The following CLSTN1 variants were observed in gnomAD, a reference collection of about 807,000 sequenced individuals.
The protein encoded by CLSTN1 is calsyntenin 1.
Under a neutral mutation model 108.3 loss-of-function variants are expected in CLSTN1, and 28 were observed. That is an observed-to-expected ratio of 0.26 (90% CI 0.19 to 0.35). The LOEUF is 0.35. Among genes scored for constraint, CLSTN1 ranks in the 10% least tolerant of loss-of-function variants. CLSTN1 has a pLI of 1.00. For missense variants in CLSTN1, 1,157 were observed against 1,302.6 expected (o/e 0.89, Z 1.72); for synonymous variants, 524 against 534.9 (o/e 0.98, Z 0.28).
At chr1:9,799,509 C>T (rs549117860) in intron 1 of CLSTN1, among the ~76,000 whole-genome samples, 137 of 151,308 alleles carry the variant, frequency 9.1e-4, no homozygotes, top group African/African-American at 3.1e-3. Flanking sequence ...GGCATGGTGG[C>T]GGGCGCCTGT....
At chr1:9,791,025 G>C (rs561306954) in intron 1 of CLSTN1, among the ~76,000 whole-genome samples, 55 of 150,842 alleles carry the variant, frequency 3.6e-4, no homozygotes, top group African/African-American at 1.3e-3. Flanking sequence ...CCAGCTACTC[G>C]GGAGGCCGAG....
intron 4 of CLSTN1, among the ~76,000 whole-genome samples, chr1:9,754,006 T>C (rs1228314818): frequency 6.6e-6 from 1 of 151,558 alleles, no homozygotes; most frequent in Admixed American, 6.6e-5. Flanking sequence ...TGGCATCTCC[T>C]ACATTGTCTA....
rs184082782 is a variant in CLSTN1 at position 9,787,594 on chromosome 1, G to A, written c.92-14200C>T. Among the ~76,000 whole-genome samples the A allele has an allele frequency of 5.8e-3, 871 of 150,890 alleles. 10 individuals are homozygous for A. The highest frequency in any genetic ancestry group is 0.02 in the Middle Eastern group (6 of 294). ...AATTTTTTGTGTTTTTAGAGAGACG[G>A]GGTTTCACCATGTTAGCCAGGATGG... is the stretch of plus-strand genomic sequence containing the variant. On this transcript the variant is annotated intron_variant, in intron 1 of 18. Coordinates refer to ENST00000377298, the MANE Select transcript of CLSTN1 (RefSeq NM_001009566.3).
At chr1:9,762,552 G>T (rs1652129078) in intron 2 of CLSTN1, among the ~76,000 whole-genome samples, 1 of 150,140 alleles carries the variant, frequency 6.7e-6, no homozygotes, top group African/African-American at 2.4e-5. Context: ...ACACTCAACG[G>T]CTCCGCTCCA....
At chr1:9,811,989 T>C (rs1654777977) in intron 1 of CLSTN1, among the ~76,000 whole-genome samples, 1 of 151,836 alleles carries the variant, frequency 6.6e-6, no homozygotes, top group African/African-American at 2.4e-5. Context: ...TACAAAAAAT[T>C]AGCTGGGCGT....
At chr1:9,824,292 G>T (rs1203534485), upstream of CLSTN1, 2 of 152,100 alleles carry the variant, frequency 1.3e-5, no homozygotes, top group East Asian at 3.9e-4. This position sits in a 1 kb window ranked among gnomAD's most constrained non-coding sequence, Gnocchi z 5.0. Flanking sequence ...GCGTCCCTAC[G>T]CGCGCTCCCG....
intron 5 of CLSTN1, among the ~76,000 whole-genome samples, chr1:9,750,420 A>G (rs1651499245): frequency 6.6e-6 from 1 of 152,116 alleles, no homozygotes; most frequent in African/African-American, 2.4e-5. Flanking sequence ...TTGATTAACA[A>G]TGGAAACACT....
chr1:9,743,853 G>C (rs749725722), intron 9 of CLSTN1, 31 bp downstream of exon 9: 2 of 1,611,552 alleles, frequency 1.2e-6, no homozygotes, highest in South Asian at 2.2e-5. Context: ...CACCTTGCCC[G>C]GCCCTATTAG....
intron 1 of CLSTN1, among the ~76,000 whole-genome samples, chr1:9,789,578 T>C (rs1653668793): frequency 6.6e-6 from 1 of 151,500 alleles, no homozygotes; most frequent in Non-Finnish European, 1.5e-5. Context: ...TTGAAGCAAA[T>C]GCCAGACATC....
At chr1:9,733,228 C>G (rs1650500567) in intron 16 of CLSTN1, among the ~76,000 whole-genome samples, 173 bp downstream of exon 16, 2 of 152,182 alleles carry the variant, frequency 1.3e-5, no homozygotes, top group African/African-American at 2.4e-5. Flanking sequence ...CTCCAACAAG[C>G]CCAGGTGTAA....
At chr1:9,815,760 AC>A (rs1654943613) in intron 1 of CLSTN1, among the ~76,000 whole-genome samples, 1 of 152,020 alleles carries the variant, frequency 6.6e-6, no homozygotes, top group African/African-American at 2.4e-5. Context: ...ACATGGTGAA[AC>A]CCCGTCTCTA....
chr1:9,799,872 C>T (rs1276939203), intron 1 of CLSTN1, among the ~76,000 whole-genome samples: 2 of 151,722 alleles, frequency 1.3e-5, no homozygotes, highest in African/African-American at 2.4e-5. Context: ...ACCCGGGAGG[C>T]GGAGGTTGCA....
rs753542464 is a variant in CLSTN1, at chr1:9,730,667, TTCC to T, written c.2784_2786del (p.Glu935del). 32 of 1,608,270 alleles carry T rather than the reference TTCC, an allele frequency of 2.0e-5. No homozygotes were observed. The highest frequency in any genetic ancestry group is 4.4e-5 in the South Asian group (4 of 90,930). ...CCTCGCTTTCCTCTTCCTCTTCCTC[TTCC>T]TCCTCCTCCTCACTGCTGTGCTGGT... On this transcript the variant is annotated inframe_deletion, in exon 19 of 19. Coordinates refer to ENST00000377298, the MANE Select transcript of CLSTN1 (RefSeq NM_001009566.3). This position sits in a 1 kb window ranked among gnomAD's most constrained non-coding sequence, Gnocchi z 5.6.
At chr1:9,751,422 G>A (rs1233908234) in intron 5 of CLSTN1, 51 bp downstream of exon 5, 1 of 1,569,160 alleles carries the variant, frequency 6.4e-7, no homozygotes, top group African/African-American at 1.4e-5. Context: ...AAGTCAGTGG[G>A]GTTAGCAGGG....
chr1:9,738,996 T>C lies in CLSTN1; in HGVS notation c.1520-1442A>G, dbSNP rs114171614. On this transcript the variant is annotated intron_variant, in intron 10 of 18. Coordinates refer to ENST00000377298, the MANE Select transcript of CLSTN1 (RefSeq NM_001009566.3). Reference sequence around the variant, plus strand: ...CCTTACTCAAGGTACAATGTTTCCATAGGGAGAAAAAACTAATCAAAAAGT... The same window carrying C: ...CCTTACTCAAGGTACAATGTTTCCACAGGGAGAAAAAACTAATCAAAAAGT... 4.8e-3 allele frequency among the ~76,000 whole-genome samples: 736 copies of C among 152,152 alleles called. 3 individuals carry two copies. The highest frequency in any genetic ancestry group is 0.016 in the African/African-American group (658 of 41,506).
intron 1 of CLSTN1, among the ~76,000 whole-genome samples, chr1:9,794,746 T>C (rs780737787): frequency 9.9e-5 from 15 of 151,546 alleles, no homozygotes; most frequent in Admixed American, 1.3e-4. Flanking sequence ...TTCTTCTTTA[T>C]CATGATCACA....
At chr1:9,769,375 A>G (rs550854628) in intron 2 of CLSTN1, among the ~76,000 whole-genome samples, 4 of 152,132 alleles carry the variant, frequency 2.6e-5, no homozygotes, top group Non-Finnish European at 5.9e-5. Flanking sequence ...ATAGCCAAAA[A>G]GTAGAAGCAA....
In CLSTN1 at chr1:9,794,837, T is replaced by C. The variant is rs376662055; in HGVS notation, c.92-21443A>G. On this transcript the variant is annotated intron_variant, in intron 1 of 18. Transcript: ENST00000377298. ...CCAGGGGTAATTTCCAAGTTCTGTA[T>C]GTGTTTTTTGTCTCCTGACCTTCAC... is the stretch of plus-strand genomic sequence containing the variant. Among the ~76,000 whole-genome samples the C allele has an allele frequency of 7.7e-4, 117 of 151,602 alleles. 2 individuals are homozygous for C. Among genetic ancestry groups the C allele is most frequent in the African/African-American group, 2.7e-3 (112 of 41,554 alleles).
rs57372437 is a variant in CLSTN1, at chr1:9,778,223, AACACACACAC to A, written c.92-4839_92-4830del. Among the ~76,000 whole-genome samples, 529 of 134,496 alleles carry A rather than the reference AACACACACAC, an allele frequency of 3.9e-3. 1 individual carries two copies. Among genetic ancestry groups the A allele is most frequent in the Middle Eastern group, 0.023 (6 of 258 alleles). 88.2% of individuals were successfully genotyped at this position (134,496 alleles called of 152,430 possible). On this transcript the variant is annotated intron_variant, in intron 1 of 18. Transcript: ENST00000377298. The stretch of plus-strand genomic sequence containing the variant: ...GGTGGTGGTGTTATTTCTCCTCCCC[AACACACACAC>A]ACACACACACACACACACACACACA...
Sources: gnomAD v4.1 joint callset for allele counts (sites outside exome capture counted in the v4.1 genomes callset) on GRCh38, gnomAD v4.1.1 for gene constraint, Gnocchi (gnomAD v3.1) non-coding constraint, MANE v1.5 for transcripts, NCBI Gene and HGNC (gene_info 2026-07-23, HGNC 2026-07-21) for gene names.